The following IL31RA variants were observed in gnomAD, a reference collection of about 807,000 sequenced individuals.
IL31RA encodes interleukin-31 receptor subunit alpha.
In IL31RA, 66 loss-of-function variants were observed where a neutral mutation model predicts 83.7. That is an observed-to-expected ratio of 0.79 (90% CI 0.65 to 0.97). The LOEUF (loss-of-function observed/expected upper bound fraction) is 0.97, where lower values mean the gene tolerates loss of function less well. Among genes scored for constraint, IL31RA ranks in the 50% least tolerant of loss-of-function variants. The pLI, the probability that IL31RA is intolerant of heterozygous loss-of-function variation, is 0.00. For synonymous variants in IL31RA, 325 were observed against 329.0 expected, an observed-to-expected ratio of 0.99 and a Z score of 0.13; for missense variants, 798 against 919.4, an observed-to-expected ratio of 0.87 and a Z score of 1.71.
intron 2 of IL31RA, among the ~76,000 whole-genome samples, chr5:55,868,535 C>A (rs1746322596): frequency 6.6e-6 from 1 of 151,980 alleles, no homozygotes; most frequent in Admixed American, 6.5e-5. Context: ...ATGCTTGCTG[C>A]TCAAATGTTA....
intron 2 of IL31RA, among the ~76,000 whole-genome samples, chr5:55,865,919 G>C (rs1320042130): frequency 1.3e-5 from 2 of 152,194 alleles, no homozygotes. Flanking sequence ...GGATGCGTGG[G>C]AATAAGTCCT....
At position 55,907,464 on chromosome 5, in the gene IL31RA, T is replaced by G; in HGVS notation, c.1354+4T>G. On this transcript the variant is annotated splice_donor_region_variant and intron_variant, in intron 10 of 14. Coordinates refer to ENST00000652347, the MANE Select transcript of IL31RA (RefSeq NM_139017.7). ...CAGGCTTATGCCAAAGAAGGCGGTA[T>G]GAATGGACAAGACCCTGTGGGGAAA... 6.3e-7 allele frequency: 1 copy of G among 1,587,944 alleles called. No homozygotes were observed.
chr5:55,839,945 C>T, the IL31RA span: 2 of 658,514 alleles, frequency 3.0e-6, no homozygotes, highest in East Asian at 2.7e-5. Context: ...AGAAACGCTG[C>T]ACTTCATCGG....
At chr5:55,845,025 T>C in the IL31RA span, among the ~76,000 whole-genome samples, 1 of 152,236 alleles carries the variant, frequency 6.6e-6, no homozygotes, top group African/African-American at 2.4e-5. Context: ...TGTCTACTTT[T>C]TCCACTCACC....
chr5:55,845,158 A>G, the IL31RA span, among the ~76,000 whole-genome samples: 10 of 152,170 alleles, frequency 6.6e-5, no homozygotes, highest in Non-Finnish European at 1.2e-4. Flanking sequence ...GCCTTTTAGT[A>G]TGCCTTATAA....
chr5:55,918,574 G>A lies in IL31RA; in HGVS notation c.*1454G>A, dbSNP rs1233436571. ...TGCCGAGGATGTTCAATGGCGCAGCGTGCATGGGGCAGAGTTGGTCACTCA... is the reference window on the plus strand; with the variant it reads ...TGCCGAGGATGTTCAATGGCGCAGCATGCATGGGGCAGAGTTGGTCACTCA... On this transcript the variant is annotated 3_prime_UTR_variant, in exon 15 of 15. Transcript: ENST00000652347. Among the ~76,000 whole-genome samples, 2 of 152,198 alleles carry A rather than the reference G, an allele frequency of 1.3e-5. No homozygotes were observed. The highest frequency in any genetic ancestry group is 3.9e-4 in the East Asian group (2 of 5,180).
chr5:55,906,433 G>T (rs896810716), intron 9 of IL31RA, 145 bp downstream of exon 9: 2 of 817,418 alleles, frequency 2.4e-6, no homozygotes, highest in Non-Finnish European at 4.1e-6. Context: ...GAAGTGACAC[G>T]CTTCTTGGTA....
intron 11 of IL31RA, among the ~76,000 whole-genome samples, chr5:55,909,996 G>A (rs1433411201): frequency 6.6e-6 from 1 of 152,174 alleles, no homozygotes; most frequent in Non-Finnish European, 1.5e-5. Context: ...GAGCCACTGC[G>A]CCCGGCCAGC....
intron 6 of IL31RA, among the ~76,000 whole-genome samples, chr5:55,894,747 C>T (rs748776029): frequency 5.3e-5 from 8 of 152,188 alleles, no homozygotes; most frequent in South Asian, 2.1e-4. Context: ...AGACACGACT[C>T]GCTCTGTTTC....
chr5:55,889,958 T>C lies in IL31RA; in HGVS notation c.607-12T>C, dbSNP rs1282425803. ...GTCTCCATTTCAGTTTAGGATTGTC[T>C]CTGTCTTGTAGATGGAAGTCAACTT... On this transcript the variant is annotated splice_polypyrimidine_tract_variant and intron_variant, in intron 5 of 14. Transcript: ENST00000652347. 7.4e-6 allele frequency: 12 copies of C among 1,613,790 alleles called. No homozygotes were observed. Among genetic ancestry groups the C allele is most frequent in the Non-Finnish European group, 1.0e-5 (12 of 1,179,666 alleles).
chr5:55,847,243 AAAAAT>A (rs1465694847), upstream of IL31RA, among the ~76,000 whole-genome samples: 5,582 of 19,614 alleles, frequency 0.28, 404 homozygotes, highest in African/African-American at 0.46. Flanking sequence ...AAAAAAAAAT[AAAAAT>A]AAATAAATAA....
chr5:55,881,676 C>T (rs1410241310), intron 4 of IL31RA, among the ~76,000 whole-genome samples: 1 of 139,346 alleles, frequency 7.2e-6, no homozygotes, highest in Non-Finnish European at 1.5e-5. Context: ...CATTTTGCCT[C>T]TTAATGGCCA....
intron 5 of IL31RA, among the ~76,000 whole-genome samples, chr5:55,887,476 A>G (rs1418409858): frequency 6.6e-6 from 1 of 152,222 alleles, no homozygotes; most frequent in South Asian, 2.1e-4. Flanking sequence ...GCAGTGGCTC[A>G]CGCCTGTAAT....
intron 4 of IL31RA, among the ~76,000 whole-genome samples, chr5:55,875,703 T>G (rs1746805921): frequency 6.6e-6 from 1 of 152,174 alleles, no homozygotes; most frequent in Non-Finnish European, 1.5e-5. Flanking sequence ...GCAATTAAAA[T>G]ATTAAAAAGC....
intron 4 of IL31RA, among the ~76,000 whole-genome samples, chr5:55,877,796 T>C (rs543366358): frequency 6.6e-6 from 1 of 152,226 alleles, no homozygotes; most frequent in South Asian, 2.1e-4. Flanking sequence ...GTAATGTGTC[T>C]TAGTGTGGGT....
chr5:55,905,339 C>T (rs1042420283), intron 8 of IL31RA, among the ~76,000 whole-genome samples: 4 of 152,138 alleles, frequency 2.6e-5, no homozygotes, highest in African/African-American at 9.7e-5. Flanking sequence ...TTCTGAGCCC[C>T]GCCCAGTTTG....
At chr5:55,895,611 A>G (rs1364551163) in intron 6 of IL31RA, among the ~76,000 whole-genome samples, 1 of 152,162 alleles carries the variant, frequency 6.6e-6, no homozygotes, top group Admixed American at 6.5e-5. Flanking sequence ...CACATATATG[A>G]TATTTCTGTG....
intron 8 of IL31RA, among the ~76,000 whole-genome samples, chr5:55,904,486 C>T (rs895939855): frequency 6.6e-6 from 1 of 152,160 alleles, no homozygotes; most frequent in Non-Finnish European, 1.5e-5. Context: ...AAACTCAGAG[C>T]CCTAGGGTTA....
chr5:55,882,069 T>C (rs1747275302), intron 4 of IL31RA, among the ~76,000 whole-genome samples: 1 of 150,834 alleles, frequency 6.6e-6, no homozygotes, highest in African/African-American at 2.4e-5. Context: ...TTTTTATATA[T>C]TGGGAAACTG....
Sources: allele counts gnomAD v4.1 joint callset (sites outside exome capture counted in the v4.1 genomes callset), GRCh38; gene constraint gnomAD v4.1.1; transcripts MANE v1.5; gene names NCBI Gene and HGNC (gene_info 2026-07-23, HGNC 2026-07-21).